The following MYO16 variants were observed in gnomAD, a reference collection of about 807,000 sequenced individuals.
MYO16 encodes myosin XVI.
Under a neutral mutation model 205.3 loss-of-function variants are expected in MYO16, and 94 were observed. The observed-to-expected ratio is 0.46, with a 90% CI of 0.39 to 0.54. The LOEUF (loss-of-function observed/expected upper bound fraction) is 0.54, where lower values mean the gene tolerates loss of function less well. Among genes scored for constraint, MYO16 ranks in the 20% least tolerant of loss-of-function variants. The pLI is 0.00. For synonymous variants in MYO16, 988 were observed against 954.0 expected (o/e 1.04, Z -0.66); for missense variants, 2,315 against 2,387.5 (o/e 0.97, Z 0.63).
chr13:109,098,765 T>G (rs964417087), intron 27 of MYO16, among the ~76,000 whole-genome samples: 5 of 152,196 alleles, frequency 3.3e-5, no homozygotes, highest in Non-Finnish European at 5.9e-5. Flanking sequence ...TGGAGCTGCT[T>G]CTTGGTCCAA....
intron 31 of MYO16, among the ~76,000 whole-genome samples, chr13:109,128,195 A>G (rs528242367): frequency 3.3e-5 from 5 of 152,360 alleles, no homozygotes; most frequent in African/African-American, 1.2e-4. Flanking sequence ...AACAGATTCT[A>G]TTGATCACCC....
At chr13:109,028,607 C>T (rs1295806273) in intron 23 of MYO16, among the ~76,000 whole-genome samples, 1 of 150,974 alleles carries the variant, frequency 6.6e-6, no homozygotes, top group African/African-American at 2.4e-5. Context: ...AATTTATATA[C>T]ATATTTTGAG....
chr13:108,656,057 C>T (rs1881229276), intron 1 of MYO16, among the ~76,000 whole-genome samples: 1 of 152,010 alleles, frequency 6.6e-6, no homozygotes, highest in Non-Finnish European at 1.5e-5. Context: ...GTTGGGAAGG[C>T]ATGATTTGTT....
intron 9 of MYO16, among the ~76,000 whole-genome samples, chr13:108,832,305 G>T (rs139719578): frequency 0.05 from 7,613 of 151,900 alleles, 254 homozygotes; most frequent in Non-Finnish European, 0.075. Flanking sequence ...ACCGTGCCCA[G>T]CTAATTTTTG....
the MYO16 span, among the ~76,000 whole-genome samples, chr13:108,565,509 T>C: frequency 1.3e-5 from 2 of 152,210 alleles, no homozygotes; most frequent in African/African-American, 4.8e-5. Context: ...TGTAACTGAT[T>C]TTTGTATGTT....
At chr13:108,738,841 T>C (rs1232669869) in intron 4 of MYO16, among the ~76,000 whole-genome samples, 1 of 152,222 alleles carries the variant, frequency 6.6e-6, no homozygotes, top group East Asian at 1.9e-4. Flanking sequence ...TGCATATATA[T>C]TTAGGATAGT....
chr13:108,815,563 C>T (rs759611526), intron 7 of MYO16, among the ~76,000 whole-genome samples: 4 of 152,164 alleles, frequency 2.6e-5, no homozygotes, highest in Non-Finnish European at 4.4e-5. Context: ...AACAAATTCT[C>T]CCTTATAGCC....
chr13:108,561,109 C>G, the MYO16 span, among the ~76,000 whole-genome samples: 1 of 152,326 alleles, frequency 6.6e-6, no homozygotes, highest in East Asian at 1.9e-4. Context: ...AAACACTGAA[C>G]AGGGACGGGT....
chr13:109,054,825 T>C (rs1887359624), intron 25 of MYO16, among the ~76,000 whole-genome samples: 1 of 152,142 alleles, frequency 6.6e-6, no homozygotes. Context: ...TTTGCTCTTC[T>C]GAACTGAAAT....
chr13:109,095,675 A>C (rs1254295022), intron 27 of MYO16, among the ~76,000 whole-genome samples: 1 of 152,232 alleles, frequency 6.6e-6, no homozygotes, highest in African/African-American at 2.4e-5. Context: ...ATATCAATTA[A>C]ATTCTTGGTT....
intron 13 of MYO16, among the ~76,000 whole-genome samples, chr13:108,886,872 C>T (rs994600050): frequency 1.3e-5 from 2 of 152,126 alleles, no homozygotes; most frequent in African/African-American, 4.8e-5. Flanking sequence ...GAGCAAATCT[C>T]TGGTTACTAG....
intron 27 of MYO16, among the ~76,000 whole-genome samples, chr13:109,084,852 A>C (rs1216160873): frequency 6.6e-6 from 1 of 152,106 alleles, no homozygotes; most frequent in East Asian, 1.9e-4. Context: ...CCCTATCTTC[A>C]AAGCCAGAGA....
chr13:108,808,223 T>G (rs1230434112), intron 7 of MYO16, among the ~76,000 whole-genome samples: 1 of 151,828 alleles, frequency 6.6e-6, no homozygotes, highest in African/African-American at 2.4e-5. Context: ...TTTCAGAGGT[T>G]GAGTCCTCTA....
At chr13:108,786,296 C>A (rs1368795258) in intron 5 of MYO16, among the ~76,000 whole-genome samples, 1 of 152,202 alleles carries the variant, frequency 6.6e-6, no homozygotes, top group Non-Finnish European at 1.5e-5. Context: ...TAAATGCATT[C>A]ACCGACAAAG....
chr13:109,025,774 C>G (rs1886343163), intron 23 of MYO16, among the ~76,000 whole-genome samples: 1 of 152,142 alleles, frequency 6.6e-6, no homozygotes. Flanking sequence ...TCTAAACTAA[C>G]TCTAGTAAGA....
chr13:109,074,747 G>C (rs1888037102), intron 27 of MYO16, among the ~76,000 whole-genome samples: 1 of 152,026 alleles, frequency 6.6e-6, no homozygotes, highest in Non-Finnish European at 1.5e-5. Context: ...AAAACAGCAT[G>C]GGGGAACTGC....
At chr13:109,007,609 A>G (rs1287335533) in intron 21 of MYO16, among the ~76,000 whole-genome samples, 3 of 150,908 alleles carry the variant, frequency 2.0e-5, no homozygotes, top group African/African-American at 7.3e-5. Flanking sequence ...GAAGCACAGA[A>G]GTAGAAGAGT....
intron 27 of MYO16, among the ~76,000 whole-genome samples, chr13:109,089,601 G>A (rs532995097): frequency 2.0e-4 from 31 of 152,222 alleles, no homozygotes; most frequent in African/African-American, 7.0e-4. Flanking sequence ...ACAATAGGGA[G>A]GAACATCTAT....
chr13:108,531,543 G>A, the MYO16 span, among the ~76,000 whole-genome samples: 1 of 152,124 alleles, frequency 6.6e-6, no homozygotes, highest in Non-Finnish European at 1.5e-5. Context: ...TTTCTGATAT[G>A]AGCAGCTGAT....
Sources: allele counts gnomAD v4.1 joint callset (sites outside exome capture counted in the v4.1 genomes callset), GRCh38; gene constraint gnomAD v4.1.1; transcripts MANE v1.5; gene names NCBI Gene and HGNC (gene_info 2026-07-23, HGNC 2026-07-21).